The following FSTL5 variants were observed in gnomAD, a reference collection of about 807,000 sequenced individuals.
FSTL5 encodes follistatin-related protein 5.
Under a neutral mutation model 89.1 loss-of-function variants are expected in FSTL5, and 62 were observed. The observed-to-expected ratio is 0.70, with a 90% CI of 0.57 to 0.86. The LOEUF is 0.86. Among genes scored for constraint, FSTL5 ranks in the 40% least tolerant of loss-of-function variants. The probability of loss-of-function intolerance (pLI) is 0.00; values close to 1 mark genes in which losing one functional copy is unlikely to be tolerated. For synonymous variants in FSTL5, 383 were observed against 346.2 expected, an observed-to-expected ratio of 1.11 and a Z score of -1.18; for missense variants, 1,057 against 1,001.6, an observed-to-expected ratio of 1.06 and a Z score of -0.75.
At chr4:161,392,082 C>G (rs749168479) in intron 15 of FSTL5, among the ~76,000 whole-genome samples, 1 of 151,986 alleles carries the variant, frequency 6.6e-6, no homozygotes, top group Admixed American at 6.6e-5. Context: ...TCTAATTGTT[C>G]TAGGCAAAAT....
intron 3 of FSTL5, among the ~76,000 whole-genome samples, chr4:162,000,162 AG>A (rs1736417874): frequency 6.6e-6 from 1 of 152,240 alleles, no homozygotes; most frequent in African/African-American, 2.4e-5. Flanking sequence ...ACAAAGACAC[AG>A]GTGTCCATAA....
At chr4:161,615,310 AAAAAAAT>A in intron 7 of FSTL5, among the ~76,000 whole-genome samples, 1 of 137,454 alleles carries the variant, frequency 7.3e-6, no homozygotes, top group Non-Finnish European at 1.6e-5. Context: ...AAAAAAAAAA[AAAAAAAT>A]TAGCTGGGCA....
At chr4:161,779,184 C>G (rs1402924166) in intron 4 of FSTL5, among the ~76,000 whole-genome samples, 1 of 152,162 alleles carries the variant, frequency 6.6e-6, no homozygotes, top group Non-Finnish European at 1.5e-5. Context: ...CATCATAACA[C>G]TCTCATTAAT....
chr4:162,143,040 C>T (rs1251833322), intron 1 of FSTL5, among the ~76,000 whole-genome samples: 4 of 152,202 alleles, frequency 2.6e-5, no homozygotes, highest in African/African-American at 9.6e-5. Context: ...TTGTCATCAT[C>T]ATTTAAAGCT....
At chr4:162,112,345 T>C (rs74840522) in intron 1 of FSTL5, among the ~76,000 whole-genome samples, 1 of 152,292 alleles carries the variant, frequency 6.6e-6, no homozygotes, top group Non-Finnish European at 1.5e-5. Context: ...GCACCATAAA[T>C]GACCCTCCTG....
chr4:161,740,924 G>T (rs1488280286), intron 6 of FSTL5, among the ~76,000 whole-genome samples: 1 of 152,070 alleles, frequency 6.6e-6, no homozygotes, highest in African/African-American at 2.4e-5. Context: ...CCCACTTCCT[G>T]GTTCATAGAT....
chr4:161,984,325 T>C (rs904236487), intron 3 of FSTL5, among the ~76,000 whole-genome samples: 1 of 152,102 alleles, frequency 6.6e-6, no homozygotes, highest in African/African-American at 2.4e-5. Context: ...TTTTTTGCTA[T>C]AAGTTTTTCT....
chr4:161,424,120 G>A (rs1471331561), intron 15 of FSTL5, among the ~76,000 whole-genome samples: 1 of 135,102 alleles, frequency 7.4e-6, no homozygotes, highest in Admixed American at 8.6e-5. Flanking sequence ...CTCATGATCC[G>A]CCCGCCTCGG....
In FSTL5 at chr4:162,024,989, C is replaced by T. The variant is rs187559736; in HGVS notation, c.160+8636G>A. Among the ~76,000 whole-genome samples the T allele has an allele frequency of 1.0e-3, 157 of 151,990 alleles. 1 individual carries two copies. The Middle Eastern group carries it at 0.02, about 20-fold the overall frequency. The stretch of plus-strand genomic sequence containing the variant: ...TATGTCATTATTATAACGTCAAATT[C>T]GTACTCTGAGAGAATAACGCTTTAC... On this transcript the variant is annotated intron_variant, in intron 3 of 15. Coordinates refer to ENST00000306100, the MANE Select transcript of FSTL5 (RefSeq NM_020116.5).
intron 2 of FSTL5, among the ~76,000 whole-genome samples, chr4:162,084,380 C>A (rs993563908): frequency 3.3e-5 from 5 of 151,310 alleles, no homozygotes; most frequent in African/African-American, 1.2e-4. Context: ...CATTTGAAAA[C>A]CAGTCAATCA....
rs560888593 is a variant in FSTL5 at position 161,426,124 on chromosome 4, T to C, written c.1841+28880A>G. ...TTATACTGTGTAATTCATAAACATT[T>C]TTGTATCTGCATATTATTCATTATA... On this transcript the variant is annotated intron_variant, in intron 15 of 15. Coordinates refer to ENST00000306100, the MANE Select transcript of FSTL5 (RefSeq NM_020116.5). Among the ~76,000 whole-genome samples, 31 of 152,258 alleles carry C rather than the reference T, an allele frequency of 2.0e-4. 1 individual carries two copies. In the South Asian group the frequency reaches 5.8e-3, roughly 28 times the overall value.
intron 6 of FSTL5, among the ~76,000 whole-genome samples, chr4:161,670,030 T>A: frequency 6.6e-6 from 1 of 152,180 alleles, no homozygotes; most frequent in East Asian, 1.9e-4. Flanking sequence ...GTGTAAATAC[T>A]ATGTTTGATT....
At chr4:161,416,050 GC>G (rs1463248595) in intron 15 of FSTL5, among the ~76,000 whole-genome samples, 1 of 151,948 alleles carries the variant, frequency 6.6e-6, no homozygotes, top group Non-Finnish European at 1.5e-5. Flanking sequence ...TCGTTGATGA[GC>G]TTTTTGAGGC....
intron 4 of FSTL5, among the ~76,000 whole-genome samples, chr4:161,819,614 C>T (rs1172228662): frequency 1.3e-5 from 2 of 151,856 alleles, no homozygotes; most frequent in Non-Finnish European, 2.9e-5. Context: ...AATTTTCAAG[C>T]TATTGCATCA....
intron 11 of FSTL5, among the ~76,000 whole-genome samples, chr4:161,510,132 GTTTC>G (rs1002275077): frequency 2.0e-5 from 3 of 151,894 alleles, no homozygotes; most frequent in Admixed American, 6.6e-5. Flanking sequence ...GATTGCTTTT[GTTTC>G]TTTGGTGTAA....
At chr4:161,993,638 C>G (rs1249951293) in intron 3 of FSTL5, among the ~76,000 whole-genome samples, 1 of 151,740 alleles carries the variant, frequency 6.6e-6, no homozygotes, top group Non-Finnish European at 1.5e-5. Context: ...AGGACTTATC[C>G]CTTGTTACAG....
At chr4:161,994,371 G>T (rs1366551004) in intron 3 of FSTL5, among the ~76,000 whole-genome samples, 1 of 152,086 alleles carries the variant, frequency 6.6e-6, no homozygotes, top group East Asian at 1.9e-4. Context: ...ATGGTAGAAT[G>T]ATTTATATTC....
intron 4 of FSTL5, among the ~76,000 whole-genome samples, chr4:161,887,114 A>G (rs772265361): frequency 1.3e-5 from 2 of 152,150 alleles, no homozygotes; most frequent in African/African-American, 2.4e-5. Context: ...ACAGCATTAG[A>G]AGGGAAGACC....
At chr4:161,585,938 T>C (rs1024743834) in intron 8 of FSTL5, among the ~76,000 whole-genome samples, 8 of 152,198 alleles carry the variant, frequency 5.3e-5, no homozygotes, top group African/African-American at 9.6e-5. Context: ...CCTGGTTTCA[T>C]TGAAAGTTGG....
Sources: allele counts gnomAD v4.1 joint callset (sites outside exome capture counted in the v4.1 genomes callset), GRCh38; gene constraint gnomAD v4.1.1; transcripts MANE v1.5; gene names NCBI Gene and HGNC (gene_info 2026-07-23, HGNC 2026-07-21).